Variants in BLK observed in about 807,000 individuals in gnomAD.
The protein encoded by BLK is tyrosine-protein kinase Blk.
BLK carries 64 observed loss-of-function variants against 61.8 expected under a neutral mutation model. The observed-to-expected ratio is 1.03, with a 90% CI of 0.85 to 1.27. BLK has a LOEUF of 1.27. BLK is among the 50% of genes most tolerant of loss of function. The probability of loss-of-function intolerance (pLI) is 0.00; values close to 1 mark genes in which losing one functional copy is unlikely to be tolerated. For missense variants in BLK, 853 were observed against 660.5 expected (o/e 1.29, Z -3.19); for synonymous variants, 351 against 272.0 (o/e 1.29, Z -2.86).
chr8:11,543,330 C>T lies in BLK; in HGVS notation c.106C>T (p.Pro36Ser). The T allele has an allele frequency of 5.0e-6, 8 of 1,613,198 alleles. No homozygotes were observed. The highest frequency in any genetic ancestry group is 6.8e-6 in the Non-Finnish European group (8 of 1,180,028). The change falls in exon 2 of 13, where the codon CCG becomes TCG. Residue 36 changes from proline to serine, a missense_variant. By Grantham distance (74) the Pro-to-Ser change is moderately conservative (BLOSUM62 -1). Transcript: ENST00000259089. ...LKVSAQDKDA[P>S]PLPPLVVFNH... ...GGTCAGCGCCCAAGACAAGGACGCC[C>T]CGCCACTGCCGCCCCTGGTGAGTGA... is the stretch of plus-strand genomic sequence containing the variant.
intron 1 of BLK, among the ~76,000 whole-genome samples, chr8:11,539,213 C>A (rs1399583244): frequency 2.6e-5 from 4 of 152,120 alleles, no homozygotes; most frequent in Non-Finnish European, 5.9e-5. Flanking sequence ...TATCTACACG[C>A]CTGAATAGAG....
intron 10 of BLK, chr8:11,561,059 A>T: frequency 1.5e-6 from 1 of 671,950 alleles, no homozygotes; most frequent in Non-Finnish European, 2.7e-6. Context: ...TGGAGCGAGA[A>T]CGAGGAGGGG....
At chr8:11,538,034 G>C (rs1355397078) in intron 1 of BLK, among the ~76,000 whole-genome samples, 1 of 152,026 alleles carries the variant, frequency 6.6e-6, no homozygotes, top group African/African-American at 2.4e-5. Context: ...CGGTGCACAT[G>C]CATGCTCTCT....
At chr8:11,550,455 C>T (rs1435931552) in intron 6 of BLK, among the ~76,000 whole-genome samples, 193 bp downstream of exon 6, 2 of 152,236 alleles carry the variant, frequency 1.3e-5, no homozygotes, top group Non-Finnish European at 2.9e-5. Context: ...CTCCCTGTCC[C>T]GGCTGGAAAC....
At chr8:11,537,753 T>G (rs910197398) in intron 1 of BLK, among the ~76,000 whole-genome samples, 19 of 152,230 alleles carry the variant, frequency 1.2e-4, no homozygotes, top group African/African-American at 4.3e-4. Context: ...GAAAAACTCG[T>G]TATCCGTCAA....
intron 11 of BLK, among the ~76,000 whole-genome samples, chr8:11,561,851 C>A (rs1021783429): frequency 6.0e-5 from 9 of 149,404 alleles, no homozygotes; most frequent in Non-Finnish European, 4.4e-5. Flanking sequence ...GAGATGGAGT[C>A]TCTGTCACCC....
Position 11,564,137 on chromosome 8 carries a change from C to A in BLK, c.*29C>A, listed in dbSNP as rs1449353474. ...GCCGCGCCCGCCTGCGCCCCGTGCCCACCTCTGCGCGGACGACCCCGACTT... is the reference window on the plus strand; with the variant it reads ...GCCGCGCCCGCCTGCGCCCCGTGCCAACCTCTGCGCGGACGACCCCGACTT... On this transcript the variant is annotated 3_prime_UTR_variant, in exon 13 of 13. Coordinates refer to ENST00000259089, the MANE Select transcript of BLK (RefSeq NM_001715.3). 1 of 1,537,880 alleles carries A rather than the reference C, an allele frequency of 6.5e-7. No homozygotes were observed. The highest frequency in any genetic ancestry group is 1.2e-5 in the South Asian group (1 of 84,294).
At chr8:11,542,253 C>T (rs896868533) in intron 1 of BLK, among the ~76,000 whole-genome samples, 1 of 152,178 alleles carries the variant, frequency 6.6e-6, no homozygotes, top group African/African-American at 2.4e-5. Flanking sequence ...TTGTGAGACA[C>T]CTCCCAGTTC....
At chr8:11,542,797 G>C (rs1800445114) in intron 1 of BLK, among the ~76,000 whole-genome samples, 1 of 152,186 alleles carries the variant, frequency 6.6e-6, no homozygotes, top group African/African-American at 2.4e-5. Context: ...GTTTACCAAA[G>C]AGCTAATGGG....
intron 1 of BLK, among the ~76,000 whole-genome samples, chr8:11,524,136 G>C (rs902155850): frequency 6.6e-6 from 1 of 151,866 alleles, no homozygotes; most frequent in African/African-American, 2.4e-5. Flanking sequence ...ATAAATTAAT[G>C]GTAAATTTGT....
chr8:11,509,247 C>T (rs1798902408), intron 1 of BLK: 1 of 152,232 alleles, frequency 6.6e-6, no homozygotes, highest in Admixed American at 6.5e-5. Context: ...GGGACCCCAG[C>T]TCGGTTTCCA....
At position 11,507,310 on chromosome 8, in the gene BLK, CT is replaced by C. The variant is rs1208986966; in HGVS notation, c.-2+12720del. Among the ~76,000 whole-genome samples, 4 of 152,178 alleles carry C rather than the reference CT, an allele frequency of 2.6e-5. No individual in the cohort carries two copies. In the East Asian group the frequency reaches 7.7e-4, roughly 29 times the overall value. ...TTGTAAAAGAATAAGGCAGAATGTCCTACCTTCCCACCTTGGCAAACCCTGC... is the reference window on the plus strand; with the variant it reads ...TTGTAAAAGAATAAGGCAGAATGTCCACCTTCCCACCTTGGCAAACCCTGC... On this transcript the variant is annotated intron_variant, in intron 1 of 12. Transcript: ENST00000259089.
At chr8:11,497,059 G>A (rs959838198) in intron 1 of BLK, among the ~76,000 whole-genome samples, 1 of 152,138 alleles carries the variant, frequency 6.6e-6, no homozygotes, top group Non-Finnish European at 1.5e-5. Context: ...GCCCAGCAGA[G>A]CGGGTGAGCC....
At chr8:11,517,787 T>C (rs1011080487) in intron 1 of BLK, among the ~76,000 whole-genome samples, 8 of 152,232 alleles carry the variant, frequency 5.3e-5, no homozygotes, top group Admixed American at 1.3e-4. Flanking sequence ...GCCCTGGTGC[T>C]GCAGGCCAAG....
intron 11 of BLK, among the ~76,000 whole-genome samples, chr8:11,561,789 C>T (rs925800554): frequency 6.6e-6 from 1 of 152,068 alleles, no homozygotes; most frequent in Non-Finnish European, 1.5e-5. Flanking sequence ...GTTTGCCTCA[C>T]CTAGTGCCTC....
At chr8:11,496,809 A>G (rs934459216) in intron 1 of BLK, among the ~76,000 whole-genome samples, 3 of 152,220 alleles carry the variant, frequency 2.0e-5, no homozygotes, top group African/African-American at 7.2e-5. Flanking sequence ...TGGTCAGCCA[A>G]GTGGCTGTGA....
chr8:11,557,861 A>G, intron 9 of BLK, 101 bp from the exon 10 acceptor site: 1 of 1,014,446 alleles, frequency 9.9e-7, no homozygotes, highest in Non-Finnish European at 1.6e-6. Flanking sequence ...GCAAACTCCC[A>G]CTTCCCGCGC....
At chr8:11,552,495 CAT>C in intron 6 of BLK, 1 of 152,204 alleles carries the variant, frequency 6.6e-6, no homozygotes, top group African/African-American at 2.4e-5. Flanking sequence ...CTGGAGATGA[CAT>C]AAGTGTTTTA....
intron 5 of BLK, among the ~76,000 whole-genome samples, chr8:11,549,613 G>A (rs1444321594): frequency 1.3e-5 from 2 of 152,176 alleles, no homozygotes; most frequent in Non-Finnish European, 2.9e-5. Context: ...GAGCCCCCAC[G>A]AATCTGCTCA....
Sources: gnomAD v4.1 joint callset for allele counts (sites outside exome capture counted in the v4.1 genomes callset) on GRCh38, gnomAD v4.1.1 for gene constraint, MANE v1.5 for transcripts, NCBI Gene and HGNC (gene_info 2026-07-23, HGNC 2026-07-21) for gene names.